The following PLA2G4B variants were observed in gnomAD, a reference collection of about 807,000 sequenced individuals.
PLA2G4B encodes phospholipase A2 group IVB.
In PLA2G4B, 122 loss-of-function variants were observed where a neutral mutation model predicts 95.8. That is an observed-to-expected ratio of 1.27 (90% CI 1.10 to 1.48). PLA2G4B has a LOEUF of 1.48. Ranked by LOEUF, PLA2G4B falls within the 40% of genes most tolerant of loss-of-function variation. The probability of loss-of-function intolerance (pLI) is 0.00; values close to 1 mark genes in which losing one functional copy is unlikely to be tolerated. For missense variants in PLA2G4B, 1,158 were observed against 996.2 expected (o/e 1.16, Z -2.19); for synonymous variants, 518 against 421.5 (o/e 1.23, Z -2.80).
Position 41,842,732 on chromosome 15 carries a change from G to C in PLA2G4B, c.743+141G>C, listed in dbSNP as rs1648832. 6.2e-4 allele frequency: 831 copies of C among 1,346,878 alleles called. 7 individuals carry two copies. The South Asian group carries it at 9.6e-3, about 16-fold the overall frequency. The allele number at this position is 1,346,878 out of a possible 1,614,324, so 83.4% of individuals were successfully genotyped here. ...TGAAGGGGCTCAGGCTTGCGCTCGA[G>C]GGGGCACGAAGTACTGGGAGGAGTA... On this transcript the variant is annotated intron_variant, in intron 10 of 19. Coordinates refer to ENST00000458483, the MANE Select transcript of PLA2G4B (RefSeq NM_001114633.2).
intron 1 of PLA2G4B, 73 bp from the exon 2 acceptor site, chr15:41,840,085 A>T: frequency 6.4e-7 from 1 of 1,555,262 alleles, no homozygotes; most frequent in African/African-American, 1.4e-5. Flanking sequence ...GCACTGCTCC[A>T]GCCTCCTTTG....
chr15:41,844,339 A>C (rs549379192), intron 11 of PLA2G4B, 132 bp from the exon 12 acceptor site: 508 of 1,459,432 alleles, frequency 3.5e-4, no homozygotes, highest in Non-Finnish European at 3.8e-4. Context: ...GCTGACTGAG[A>C]ACTGGTCCCA....
intron 1 of PLA2G4B, chr15:41,839,952 G>A (rs2065393673): frequency 4.9e-6 from 3 of 606,994 alleles, no homozygotes; most frequent in African/African-American, 1.8e-5. Flanking sequence ...TTGGCCCAGA[G>A]CCGGCGCAGA....
intron 1 of PLA2G4B, 76 bp from the exon 2 acceptor site, chr15:41,840,082 T>C (rs1340061834): frequency 2.6e-6 from 4 of 1,545,608 alleles, no homozygotes; most frequent in Middle Eastern, 1.7e-4. Context: ...GAGGCACTGC[T>C]CCAGCCTCCT....
In PLA2G4B at chr15:41,846,439, C is replaced by T. The variant is rs1595425721; in HGVS notation, c.1780+57C>T. On this transcript the variant is annotated intron_variant, in intron 17 of 19. Transcript: ENST00000458483. ...CCACCTGAGCCTTGAGTCCCCAGTC[C>T]AGATACCCCTCACAGTCCACTCCCA... The T allele has an allele frequency of 3.2e-6, 5 of 1,565,664 alleles. No individual in the cohort carries two copies. In the African/African-American group the frequency reaches 4.1e-5, roughly 13 times the overall value.
intron 19 of PLA2G4B, 39 bp from the exon 20 acceptor site, chr15:41,847,610 A>C: frequency 6.2e-7 from 1 of 1,612,746 alleles, no homozygotes; most frequent in South Asian, 1.1e-5. Flanking sequence ...TGTCTTCCCC[A>C]CAACGTGTTC....
rs1159278848 is a variant in PLA2G4B, at chr15:41,845,065, G to A, written c.1234G>A (p.Asp412Asn). The A allele has an allele frequency of 6.3e-7, 1 of 1,597,838 alleles. No individual in the cohort carries two copies. ...CCTCATCAACGAGGCGCTGCTGCAT[G>A]ATGAGGTGCGGGGGCTGCGGCCTGG... is the stretch of plus-strand genomic sequence containing the variant. ...WALINEALLH[D>N]EPHDHKLSDQ... is the part of the protein sequence containing the mutation. Residue 412 changes from aspartate to asparagine, a missense_variant, in exon 13 of 20, where the codon GAT becomes AAT. Asp to Asn is a conservative substitution (Grantham distance 23). Coordinates refer to ENST00000458483, the MANE Select transcript of PLA2G4B (RefSeq NM_001114633.2).
intron 7 of PLA2G4B, 92 bp from the exon 8 acceptor site, chr15:41,841,727 G>T: frequency 6.3e-7 from 1 of 1,575,342 alleles, no homozygotes; most frequent in Non-Finnish European, 8.6e-7. Flanking sequence ...TTTCAGCGGG[G>T]AGAGGGAGGT....
chr15:41,845,866 G>T, intron 15 of PLA2G4B, 77 bp from the exon 16 acceptor site: 1 of 1,519,840 alleles, frequency 6.6e-7, no homozygotes, highest in Non-Finnish European at 8.8e-7. Flanking sequence ...GAGTTTCCTG[G>T]GCCAGGACTG....
chr15:41,847,258 C>T, intron 18 of PLA2G4B, 79 bp from the exon 19 acceptor site: 2 of 1,509,852 alleles, frequency 1.3e-6, no homozygotes, highest in Non-Finnish European at 1.8e-6. Context: ...GCCCCAGGTC[C>T]TGTGCATCTT....
At chr15:41,842,675 G>GCCCC in intron 10 of PLA2G4B, 84 bp downstream of exon 10, 83 of 1,474,064 alleles carry the variant, frequency 5.6e-5, no homozygotes, top group Non-Finnish European at 6.8e-5. Context: ...GAGTGAGGGG[G>GCCCC]AGAAACAGCC....
rs758505166 is a variant in PLA2G4B at position 41,847,464 on chromosome 15, C to A, written c.2075C>A (p.Ala692Asp). The change falls in exon 19 of 20, where the codon GCC becomes GAC. Residue 692 changes from alanine to aspartate, a missense_variant. Coordinates refer to ENST00000458483, the MANE Select transcript of PLA2G4B (RefSeq NM_001114633.2). Reference sequence around the variant, plus strand: ...TTCTCCGACCCCACCTGCCCCGGAGCCCCTGCGGTGCTGCACTTTCCTCTG... The same window carrying A: ...TTCTCCGACCCCACCTGCCCCGGAGACCCTGCGGTGCTGCACTTTCCTCTG... The part of the protein sequence containing the change: ...HTFSDPTCPG[A>D]PAVLHFPLVS... The A allele has an allele frequency of 2.5e-6, 4 of 1,612,962 alleles. No individual in the cohort carries two copies. Among genetic ancestry groups the A allele is most frequent in the Middle Eastern group, 1.6e-4 (1 of 6,082 alleles).
At position 41,840,583 on chromosome 15, in the gene PLA2G4B, C is replaced by G; in HGVS notation, c.142C>G (p.Gln48Glu). Residue 48 changes from glutamine (Q) to glutamate (E), a missense_variant, in exon 3 of 20, where the codon CAG (glutamine) becomes GAG (glutamate). Transcript: ENST00000458483. ...WLPTACSHRLQTRTVKNSSSP... is the reference protein window; with the variant it reads ...WLPTACSHRLETRTVKNSSSP... ...GCCCACGGCCTGCAGCCACAGGCTC[C>G]AGACACGCACGGTCAAGAACAGCAG... 1 of 1,613,972 alleles carries G rather than the reference C, an allele frequency of 6.2e-7. No individual in the cohort carries two copies. Among genetic ancestry groups the G allele is most frequent in the Non-Finnish European group, 8.5e-7 (1 of 1,180,024 alleles).
intron 15 of PLA2G4B, 41 bp from the exon 16 acceptor site, chr15:41,845,902 C>T (rs2065533618): frequency 1.3e-6 from 2 of 1,515,756 alleles, no homozygotes; most frequent in African/African-American, 2.8e-5. Context: ...AGGATTGGGA[C>T]AAGAGTCGGG....
In PLA2G4B at chr15:41,847,516, G is replaced by C. The variant is rs374867657; in HGVS notation, c.2127G>C (p.Ser709=). 3 of 1,603,558 alleles carry C rather than the reference G, an allele frequency of 1.9e-6. No homozygotes were observed. Among genetic ancestry groups the C allele is most frequent in the South Asian group, 2.2e-5 (2 of 90,592 alleles). Residue 709 remains serine, a synonymous_variant, in exon 19 of 20, where the codon TCG becomes TCC. Transcript: ENST00000458483. Reference sequence around the variant, plus strand: ...TCAGCGACTCCTTCCGGGAGTACTCGGCCCCTGGTGAGCTGCTGTTCACCT... The same window carrying C: ...TCAGCGACTCCTTCCGGGAGTACTCCGCCCCTGGTGAGCTGCTGTTCACCT... ...PLVSDSFREY[S]APGVRRTPEE...
chr15:41,846,892 G>A lies in PLA2G4B; in HGVS notation c.1947+57G>A, dbSNP rs1050747268. Reference sequence around the variant, plus strand: ...CGGTGGGTGGCCCCTGTCCCCTGAAGAGAGGGGCTTTGGAGTCCAGTGTCT... The same window carrying A: ...CGGTGGGTGGCCCCTGTCCCCTGAAAAGAGGGGCTTTGGAGTCCAGTGTCT... On this transcript the variant is annotated intron_variant, in intron 18 of 19. Transcript: ENST00000458483. 8.5e-6 allele frequency: 13 copies of A among 1,533,804 alleles called. No individual in the cohort carries two copies. The African/African-American group carries it at 1.2e-4, about 15-fold the overall frequency.
chr15:41,845,922 C>T (rs1322423892), intron 15 of PLA2G4B, 21 bp from the exon 16 acceptor site: 2 of 1,514,688 alleles, frequency 1.3e-6, no homozygotes, highest in Non-Finnish European at 8.8e-7. Context: ...GGGCCCTCTT[C>T]CCTCACGGCC....
rs199577337 is a variant in PLA2G4B at position 41,846,665 on chromosome 15, C to G, written c.1781-4C>G. On this transcript the variant is annotated splice_polypyrimidine_tract_variant and splice_region_variant and intron_variant, in intron 17 of 19. Transcript: ENST00000458483. Reference sequence around the variant, plus strand: ...GACAATTGCTGCTCTCCCCAACCTTCCAGCTACCACTCTGGATGGGCTCCC... The same window carrying G: ...GACAATTGCTGCTCTCCCCAACCTTGCAGCTACCACTCTGGATGGGCTCCC... 9 of 1,602,064 alleles carry G rather than the reference C, an allele frequency of 5.6e-6. No homozygotes were observed. The Admixed American group carries it at 1.5e-4, about 27-fold the overall frequency.
rs768490358 is a variant in PLA2G4B, at chr15:41,845,659, A to G, written c.1379A>G (p.Tyr460Cys). 1.2e-5 allele frequency: 19 copies of G among 1,614,136 alleles called. No homozygotes were observed. Among genetic ancestry groups the G allele is most frequent in the South Asian group, 1.1e-4 (10 of 91,078 alleles). The change falls in exon 15 of 20, where the codon TAC becomes TGC. Residue 460 changes from tyrosine (Y) to cysteine (C), a missense_variant. Transcript: ENST00000458483. ...EFGEWCEFSP[Y>C]EVGFPKYGAF... ...ACAGAGTGGTGCGAGTTCTCTCCCT[A>G]CGAGGTCGGCTTCCCCAAGTACGGG...
Sources: gnomAD v4.1 joint callset for allele counts on GRCh38, gnomAD v4.1.1 for gene constraint, MANE v1.5 for transcripts, NCBI Gene and HGNC (gene_info 2026-07-23, HGNC 2026-07-21) for gene names.